The following MRE11 variants were observed in gnomAD, a reference collection of about 807,000 sequenced individuals.
The protein encoded by MRE11 is double-strand break repair protein MRE11.
Under a neutral mutation model 91.7 loss-of-function variants are expected in MRE11, and 62 were observed. The ratio of observed to expected loss-of-function variants is 0.68; its 90% confidence interval spans 0.55 to 0.84. MRE11 has a LOEUF of 0.84. MRE11 is among the 40% of genes least tolerant of loss of function. MRE11 has a pLI of 0.00. For missense variants in MRE11, 796 were observed against 852.9 expected (o/e 0.93, Z 0.83); for synonymous variants, 273 against 271.4 (o/e 1.01, Z -0.06).
At chr11:94,437,077 A>G in intron 17 of MRE11, 100 bp downstream of exon 17, 4 of 1,067,690 alleles carry the variant, frequency 3.7e-6, no homozygotes, top group South Asian at 3.0e-5. Context: ...ATGTTCCATA[A>G]TTTTTCTTCT....
rs558156792 is a variant in MRE11, at chr11:94,459,050, G to T, written c.1500+358C>A. On this transcript the variant is annotated intron_variant, in intron 13 of 19. Coordinates refer to ENST00000323929, the MANE Select transcript of MRE11 (RefSeq NM_005591.4). ...TCCTGTAATTTTTCCACTGCTTCTT[G>T]CTTAGCAGAAATTTTCTAAATGAAA... is the stretch of plus-strand genomic sequence containing the variant. Among the ~76,000 whole-genome samples the T allele has an allele frequency of 3.3e-5, 5 of 152,024 alleles. No individual in the cohort carries two copies. The South Asian group carries it at 1.0e-3, about 31-fold the overall frequency.
At chr11:94,452,360 G>A (rs1046389906) in intron 14 of MRE11, among the ~76,000 whole-genome samples, 17 of 151,958 alleles carry the variant, frequency 1.1e-4, no homozygotes, top group African/African-American at 4.1e-4. Flanking sequence ...AACAACAGTA[G>A]GAAATAATTT....
intron 16 of MRE11, among the ~76,000 whole-genome samples, chr11:94,442,402 T>G (rs1945805352): frequency 6.6e-6 from 1 of 152,092 alleles, no homozygotes; most frequent in Non-Finnish European, 1.5e-5. Flanking sequence ...AAGTGATGAA[T>G]TCTACCCACT....
At chr11:94,512,182 G>T in the MRE11 span, among the ~76,000 whole-genome samples, 1 of 152,192 alleles carries the variant, frequency 6.6e-6, no homozygotes, top group South Asian at 2.1e-4. Context: ...TTCCAACGGT[G>T]CCGCTTCCTA....
At position 94,471,571 on chromosome 11, in the gene MRE11, C is replaced by T. The variant is rs1253953377; in HGVS notation, c.845+3G>A. ...AAATTGGCTCAAAATATATAACACTCACTTCTTTACAGCTTCTCCTGGGGA... is the reference window on the plus strand; with the variant it reads ...AAATTGGCTCAAAATATATAACACTTACTTCTTTACAGCTTCTCCTGGGGA... On this transcript the variant is annotated splice_donor_region_variant and intron_variant, in intron 8 of 19. Coordinates refer to ENST00000323929, the MANE Select transcript of MRE11 (RefSeq NM_005591.4). 1.2e-6 allele frequency: 2 copies of T among 1,611,934 alleles called. No individual in the cohort carries two copies. Among genetic ancestry groups the T allele is most frequent in the African/African-American group, 1.3e-5 (1 of 74,958 alleles).
intron 7 of MRE11, chr11:94,473,070 G>A (rs1365208087): frequency 2.0e-5 from 3 of 152,068 alleles, no homozygotes; most frequent in Non-Finnish European, 2.9e-5. Context: ...GCATCAGTAC[G>A]CGGAGAGAGA....
chr11:94,487,591 A>C (rs919221886), intron 3 of MRE11, among the ~76,000 whole-genome samples: 1 of 152,238 alleles, frequency 6.6e-6, no homozygotes, highest in Non-Finnish European at 1.5e-5. Context: ...GGACACCACC[A>C]ACCAGCCTCC....
rs587780133 is a variant in MRE11 at position 94,467,859 on chromosome 11, C to T, written c.1052G>A (p.Arg351His). ...CTCTGGCTGGTGAGAATTACCCAGA[C>T]GTTCCCGTTCAGCATTTTCAAGCAT... ...EEMLENAERE[R>H]LGNSHQPEKP... Residue 351 changes from arginine (R) to histidine (H), a missense_variant, in exon 10 of 20, where the codon CGT (arginine) becomes CAT (histidine). Arg to His is a conservative substitution (Grantham distance 29). Transcript: ENST00000323929. 60 of 1,613,502 alleles carry T rather than the reference C, an allele frequency of 3.7e-5. No individual in the cohort carries two copies. Among genetic ancestry groups the T allele is most frequent in the South Asian group, 2.7e-4 (25 of 91,064 alleles).
chr11:94,423,362 C>G (rs1453765772), intron 19 of MRE11, among the ~76,000 whole-genome samples: 1 of 152,208 alleles, frequency 6.6e-6, no homozygotes. Flanking sequence ...GGAGACGTTT[C>G]AACTGGCAGG....
chr11:94,420,272 G>C, intron 19 of MRE11, 91 bp from the exon 20 acceptor site: 1 of 985,176 alleles, frequency 1.0e-6, no homozygotes, highest in East Asian at 2.4e-5. Context: ...ATACCAGTGA[G>C]AGTCATTTCA....
At chr11:94,447,715 G>C (rs1945977996) in intron 14 of MRE11, among the ~76,000 whole-genome samples, 1 of 149,392 alleles carries the variant, frequency 6.7e-6, no homozygotes. Flanking sequence ...TGCACCTGTA[G>C]TCCCGAGCTA....
chr11:94,459,849 G>A (rs1946368730), intron 12 of MRE11, among the ~76,000 whole-genome samples: 4 of 152,116 alleles, frequency 2.6e-5, no homozygotes, highest in Non-Finnish European at 5.9e-5. Flanking sequence ...AAATTAACCA[G>A]TGTCATAGGC....
At chr11:94,494,613 A>T (rs987180865), upstream of MRE11, among the ~76,000 whole-genome samples, 2 of 152,172 alleles carry the variant, frequency 1.3e-5, no homozygotes, top group African/African-American at 4.8e-5. Context: ...TTCCTGATGG[A>T]ATATCAGGAA....
chr11:94,426,675 G>A (rs1945327931), intron 19 of MRE11, among the ~76,000 whole-genome samples: 1 of 151,844 alleles, frequency 6.6e-6, no homozygotes, highest in African/African-American at 2.4e-5. Flanking sequence ...ATTAACAAAG[G>A]AAAAAGAGAA....
intron 19 of MRE11, among the ~76,000 whole-genome samples, chr11:94,426,129 C>A (rs1391237520): frequency 6.6e-6 from 1 of 152,110 alleles, no homozygotes; most frequent in African/African-American, 2.4e-5. Flanking sequence ...CAAGTATACT[C>A]TTGGACTACA....
At chr11:94,503,728 G>A in the MRE11 span, among the ~76,000 whole-genome samples, 48 of 150,022 alleles carry the variant, frequency 3.2e-4, no homozygotes, top group Non-Finnish European at 6.2e-4. Context: ...CGTTAAAATC[G>A]GGATTTTTAT....
chr11:94,477,196 T>A (rs1253146338), intron 6 of MRE11, among the ~76,000 whole-genome samples: 1 of 152,214 alleles, frequency 6.6e-6, no homozygotes, highest in Non-Finnish European at 1.5e-5. Flanking sequence ...ATAAATTATA[T>A]ATACTTTTGA....
In MRE11 at chr11:94,447,420, C is replaced by T. The variant is rs780018393; in HGVS notation, c.1582G>A (p.Ala528Thr). ...EVREAMTRAR[A>T]LRSQSEESAS... ...GACTCCTCTGACTGAGATCTGAGTGCTCTGGCCCTGGTCATAGCCTAAGAG... is the reference window on the plus strand; with the variant it reads ...GACTCCTCTGACTGAGATCTGAGTGTTCTGGCCCTGGTCATAGCCTAAGAG... The change falls in exon 15 of 20, where the codon GCA becomes ACA. Residue 528 changes from alanine to threonine, a missense_variant. By Grantham distance (58) the Ala-to-Thr change is moderately conservative. Coordinates refer to ENST00000323929, the MANE Select transcript of MRE11 (RefSeq NM_005591.4). 18 of 1,614,146 alleles carry T rather than the reference C, an allele frequency of 1.1e-5. No individual in the cohort carries two copies. Among genetic ancestry groups the T allele is most frequent in the Non-Finnish European group, 1.5e-5 (18 of 1,180,006 alleles).
intron 15 of MRE11, among the ~76,000 whole-genome samples, chr11:94,446,778 T>C (rs1565212108): frequency 6.6e-6 from 1 of 152,226 alleles, no homozygotes. Flanking sequence ...TAAAGACTAC[T>C]TGATAAGCAT....
Sources: allele counts gnomAD v4.1 joint callset (sites outside exome capture counted in the v4.1 genomes callset), GRCh38; gene constraint gnomAD v4.1.1; transcripts MANE v1.5; gene names NCBI Gene and HGNC (gene_info 2026-07-23, HGNC 2026-07-21).